The following MAPK10 variants were observed in gnomAD, a reference collection of about 807,000 sequenced individuals.
MAPK10 encodes the protein JNK3 alpha protein kinase.
Under a neutral mutation model 59.3 loss-of-function variants are expected in MAPK10, and 25 were observed. The observed-to-expected ratio is 0.42, with a 90% CI of 0.31 to 0.59. The LOEUF (loss-of-function observed/expected upper bound fraction) is 0.59. MAPK10 is among the 20% of genes least tolerant of loss of function. MAPK10 has a pLI of 0.15. For missense variants in MAPK10, 351 were observed against 568.9 expected, an observed-to-expected ratio of 0.62 and a Z score of 3.90; for synonymous variants, 190 against 200.5, an observed-to-expected ratio of 0.95 and a Z score of 0.44.
At chr4:86,387,099 C>T (rs72868835) in intron 1 of MAPK10, among the ~76,000 whole-genome samples, 74 of 152,206 alleles carry the variant, frequency 4.9e-4, no homozygotes, top group African/African-American at 1.7e-3. Context: ...TGGAGAAAAA[C>T]GCTAATCTGG....
At chr4:86,306,261 C>T (rs2095566556) in intron 2 of MAPK10, among the ~76,000 whole-genome samples, 2 of 152,160 alleles carry the variant, frequency 1.3e-5, no homozygotes. Context: ...TATATTTTTG[C>T]AAATCTATTT....
chr4:86,386,531 C>T (rs1239078606), intron 1 of MAPK10, among the ~76,000 whole-genome samples: 2 of 152,096 alleles, frequency 1.3e-5, no homozygotes, highest in Non-Finnish European at 2.9e-5. Flanking sequence ...TGACTCTAAT[C>T]TTGATCTATA....
Position 86,359,723 on chromosome 4 carries a change from T to C in MAPK10, c.-187A>G. The stretch of plus-strand genomic sequence containing the variant: ...TTGCCCCAGAAATCCTCCCTACTTG[T>C]TTTTCATTAACCACATTCCAGACTA... On this transcript the variant is annotated 5_prime_UTR_variant, in exon 1 of 14. Coordinates refer to ENST00000641462, the MANE Select transcript of MAPK10 (RefSeq NM_138982.4). The C allele has an allele frequency of 2.0e-6, 2 of 985,752 alleles. No homozygotes were observed. The highest frequency in any genetic ancestry group is 2.4e-6 in the Non-Finnish European group (2 of 829,908). The allele number at this position is 985,752 out of a possible 1,614,324, so 61.1% of individuals were successfully genotyped here. A position where few individuals can be genotyped will look rare whatever the true frequency, so the allele number is the denominator to read the frequency against.
chr4:86,014,633 T>G lies in MAPK10; in HGVS notation c.*2595A>C, dbSNP rs540669605. On this transcript the variant is annotated 3_prime_UTR_variant, in exon 14 of 14. Transcript: ENST00000641462. ...TCCATAAGGGAAATCTGGCTAAAGC[T>G]AACCAGCTCCCAAGAGCCATGCACA... 1 of 152,186 alleles carries G rather than the reference T, an allele frequency of 6.6e-6. No individual in the cohort carries two copies. The highest frequency in any genetic ancestry group is 2.4e-5 in the African/African-American group (1 of 41,430). 9.4% of individuals were successfully genotyped at this position (152,186 alleles called of 1,614,324 possible). A position where few individuals can be genotyped will look rare whatever the true frequency, so the allele number is the denominator to read the frequency against.
At chr4:86,131,821 C>T (rs2061058297) in intron 4 of MAPK10, among the ~76,000 whole-genome samples, 1 of 152,148 alleles carries the variant, frequency 6.6e-6, no homozygotes, top group Non-Finnish European at 1.5e-5. Flanking sequence ...CAAAATGCTA[C>T]ATTTACATTA....
intron 1 of MAPK10, among the ~76,000 whole-genome samples, chr4:86,414,635 C>T (rs573686763): frequency 6.6e-6 from 1 of 152,228 alleles, no homozygotes; most frequent in African/African-American, 2.4e-5. Context: ...AAATAAATTT[C>T]CTGTTCCTAT....
chr4:86,553,497 C>A (rs547181380), intron 1 of MAPK10, among the ~76,000 whole-genome samples: 3 of 152,292 alleles, frequency 2.0e-5, no homozygotes, highest in African/African-American at 7.2e-5. Context: ...AAGCCACTCT[C>A]TCCTTACATA....
At chr4:86,396,904 T>C (rs867980589) in intron 1 of MAPK10, among the ~76,000 whole-genome samples, 58 of 152,204 alleles carry the variant, frequency 3.8e-4, no homozygotes, top group African/African-American at 1.4e-3. Flanking sequence ...TACTAGTAAT[T>C]TTTATATTGA....
intron 9 of MAPK10, among the ~76,000 whole-genome samples, chr4:86,089,806 T>C (rs1447401717): frequency 6.6e-6 from 1 of 152,164 alleles, no homozygotes; most frequent in Non-Finnish European, 1.5e-5. Context: ...GAATGAATGT[T>C]TCAGAATATG....
At chr4:86,289,075 A>G (rs2095132371) in intron 2 of MAPK10, among the ~76,000 whole-genome samples, 1 of 152,206 alleles carries the variant, frequency 6.6e-6, no homozygotes, top group Non-Finnish European at 1.5e-5. Context: ...ACAGAATTAT[A>G]TTTAGATAGA....
intron 4 of MAPK10, among the ~76,000 whole-genome samples, chr4:86,112,046 T>A (rs2149093640): frequency 6.6e-6 from 1 of 152,082 alleles, no homozygotes; most frequent in East Asian, 1.9e-4. Context: ...AGTTTGTAGT[T>A]CTGTGGGGTG....
intron 2 of MAPK10, among the ~76,000 whole-genome samples, chr4:86,295,931 T>C (rs935934977): frequency 9.2e-5 from 14 of 151,530 alleles, no homozygotes; most frequent in African/African-American, 2.7e-4. Context: ...ATCCCAGCAC[T>C]TTGGGAGGCC....
chr4:86,578,834 G>A lies in MAPK10; in HGVS notation c.-263+15076C>T, dbSNP rs139748391. 1.5e-3 allele frequency among the ~76,000 whole-genome samples: 221 copies of A among 151,638 alleles called. 2 individuals are homozygous for A. Among genetic ancestry groups the A allele is most frequent in the African/African-American group, 5.1e-3 (209 of 41,060 alleles). ...CTCAAGTTCCAACTTGTGACATAAT[G>A]AAGCATTTTAAACAGAAAATCTTGA... On this transcript the variant is annotated intron_variant, in intron 1 of 4. Coordinates refer to the MAPK10 transcript ENST00000502302.
chr4:86,090,204 C>T (rs572707812), intron 9 of MAPK10: 12 of 150,966 alleles, frequency 7.9e-5, no homozygotes, highest in African/African-American at 2.7e-4. Context: ...AGAGGGCATT[C>T]TTGTGGGGGG....
chr4:86,487,044 C>T (rs976329714), intron 1 of MAPK10, among the ~76,000 whole-genome samples: 10 of 151,992 alleles, frequency 6.6e-5, no homozygotes, highest in African/African-American at 9.7e-5. Context: ...ATGAAAGATA[C>T]GGAAAAGCTA....
intron 2 of MAPK10, among the ~76,000 whole-genome samples, chr4:86,328,650 AC>A (rs2096078724): frequency 6.6e-6 from 1 of 152,208 alleles, no homozygotes; most frequent in Admixed American, 6.5e-5. Flanking sequence ...GCACATATAC[AC>A]CGTAGAATAC....
intron 1 of MAPK10, among the ~76,000 whole-genome samples, chr4:86,414,254 A>ATAAC (rs577972235): frequency 8.8e-4 from 134 of 152,258 alleles, no homozygotes; most frequent in Non-Finnish European, 1.8e-3. Context: ...CATCCATGAT[A>ATAAC]TAACATCCAT....
At chr4:86,079,290 G>A (rs1221178939) in intron 9 of MAPK10, among the ~76,000 whole-genome samples, 2 of 152,096 alleles carry the variant, frequency 1.3e-5, no homozygotes, top group Non-Finnish European at 2.9e-5. Flanking sequence ...GCTGTTTGAA[G>A]CATGCTATAA....
chr4:86,541,947 G>GCACACA lies in MAPK10; in HGVS notation c.-263+51957_-263+51962dup, dbSNP rs10555824. Reference sequence around the variant, plus strand: ...TTTGTAAATGCACATGAATACACCGGCACACACACACACACACACACACAC... The same window carrying GCACACA: ...TTTGTAAATGCACATGAATACACCGGCACACACACACACACACACACACACACACAC... On this transcript the variant is annotated intron_variant, in intron 1 of 4. Transcript: ENST00000502302. Among the ~76,000 whole-genome samples, 477 of 140,466 alleles carry GCACACA rather than the reference G, an allele frequency of 3.4e-3. 3 individuals are homozygous for GCACACA. Among genetic ancestry groups the GCACACA allele is most frequent in the East Asian group, 5.9e-3 (28 of 4,706 alleles). 92.2% of individuals were successfully genotyped at this position (140,466 alleles called of 152,430 possible).
Sources: gnomAD v4.1 joint callset for allele counts (sites outside exome capture counted in the v4.1 genomes callset) on GRCh38, gnomAD v4.1.1 for gene constraint, MANE v1.5 for transcripts, NCBI Gene and HGNC (gene_info 2026-07-23, HGNC 2026-07-21) for gene names.